PDZD7: variants seen among roughly 807,000 people sequenced by gnomAD.
PDZD7 encodes PDZ domain-containing protein 7.
PDZD7 carries 72 observed loss-of-function variants against 84.7 expected under a neutral mutation model. The ratio of observed to expected loss-of-function variants is 0.85; its 90% CI spans 0.70 to 1.03. PDZD7 has a LOEUF of 1.03. Among genes scored for constraint, PDZD7 ranks in the 50% least tolerant of loss-of-function variants. The probability of loss-of-function intolerance (pLI) is 0.00; values close to 1 mark genes in which losing one functional copy is unlikely to be tolerated. For synonymous variants in PDZD7, 594 were observed against 580.7 expected (o/e 1.02, Z -0.33); for missense variants, 1,490 against 1,412.9 (o/e 1.05, Z -0.87).
At chr10:101,017,985 G>T (rs1353926612) in intron 9 of PDZD7, 114 bp downstream of exon 9, 3 of 1,259,814 alleles carry the variant, frequency 2.4e-6, no homozygotes, top group East Asian at 2.3e-5. Flanking sequence ...GCTCTCAGGG[G>T]TTGAGTAGGG....
At chr10:101,012,289 C>T in intron 11 of PDZD7, 31 bp from the exon 12 acceptor site, 1 of 1,519,534 alleles carries the variant, frequency 6.6e-7, no homozygotes, top group Non-Finnish European at 8.9e-7. Context: ...GGTCAGACAG[C>T]AGTGGGGGCT....
rs1000893896 is a variant in PDZD7 at position 101,008,665 on chromosome 10, G to A, written c.2904C>T (p.Gly968=). Residue 968 remains glycine, a synonymous_variant, in exon 17 of 17, where the codon GGC becomes GGT. Transcript: ENST00000619208. ...GGGCAGGCAAGTGGTCAGCAGGAAG[G>A]CCCCCATCAGTAAGGGCTGATGAGT... The part of the protein sequence containing the change: ...PSDSSALTDG[G]LPADHLPAHQ... 2.0e-6 allele frequency: 3 copies of A among 1,535,900 alleles called. No individual in the cohort carries two copies. The highest frequency in any genetic ancestry group is 2.7e-5 in the African/African-American group (2 of 72,972).
intron 7 of PDZD7, among the ~76,000 whole-genome samples, chr10:101,019,950 T>G (rs1258851606): frequency 6.7e-6 from 1 of 149,498 alleles, no homozygotes; most frequent in Non-Finnish European, 1.5e-5. Context: ...AGACAGGCTC[T>G]CACTGTGTCA....
At chr10:101,016,330 G>T (rs1225009552) in intron 10 of PDZD7, 47 bp downstream of exon 10, 2 of 1,544,436 alleles carry the variant, frequency 1.3e-6, no homozygotes, top group East Asian at 2.4e-5. Flanking sequence ...ACCCTCATCT[G>T]CCGCTCTACT....
At position 101,027,504 on chromosome 10, in the gene PDZD7, G is replaced by T. The variant is rs1937790828; in HGVS notation, c.226+2490C>A. Among the ~76,000 whole-genome samples, 7 of 152,292 alleles carry T rather than the reference G, an allele frequency of 4.6e-5. No individual in the cohort carries two copies. The South Asian group carries it at 1.5e-3, about 32-fold the overall frequency. Reference sequence around the variant, plus strand: ...CTTCTCAAAGCGTAATCCTGGATCAGCAGCGTCAGTGTCATCTGAGAACTT... The same window carrying T: ...CTTCTCAAAGCGTAATCCTGGATCATCAGCGTCAGTGTCATCTGAGAACTT... On this transcript the variant is annotated intron_variant, in intron 2 of 16. Coordinates refer to ENST00000619208, the MANE Select transcript of PDZD7 (RefSeq NM_001195263.2).
chr10:101,009,481 C>A, intron 15 of PDZD7, 131 bp from the exon 16 acceptor site: 1 of 727,636 alleles, frequency 1.4e-6, no homozygotes, highest in Non-Finnish European at 2.4e-6. Flanking sequence ...TCTGTTACTA[C>A]TCAAATCTCA....
At position 101,015,710 on chromosome 10, in the gene PDZD7, G is replaced by A; in HGVS notation, c.1675C>T (p.Pro559Ser). ...CTCTGGGCCAGGTCCTGAATGAGGG[G>A]CCGCCGGCTCTCCCAGGCCTGAACC... ...EQVQAWESRR[P>S]LIQDLAQRLL... Residue 559 changes from proline to serine, a missense_variant, in exon 11 of 17, where the codon CCC becomes TCC. Transcript: ENST00000619208. 1 of 1,550,352 alleles carries A rather than the reference G, an allele frequency of 6.5e-7. No homozygotes were observed. Among genetic ancestry groups the A allele is most frequent in the Non-Finnish European group, 8.7e-7 (1 of 1,146,956 alleles).
chr10:101,023,858 C>T (rs368463083), intron 3 of PDZD7, 70 bp downstream of exon 3: 12 of 1,609,782 alleles, frequency 7.5e-6, no homozygotes, highest in East Asian at 4.5e-5. Context: ...CTGACAGCAG[C>T]ATCCCCTGCC....
chr10:101,010,878 G>A lies in PDZD7; in HGVS notation c.2011C>T (p.Arg671Cys), dbSNP rs925832623. ...RHLITPVPDS[R>C]GGFYLLPVNG... ...ACCGGCAGCAGGTAGAAGCCTCCGC[G>A]GCTGTCTGGGGAAGAGCGCCAAGGT... Residue 671 changes from arginine (R) to cysteine (C), a missense_variant, in exon 15 of 17, where the codon CGC becomes TGC. Coordinates refer to ENST00000619208, the MANE Select transcript of PDZD7 (RefSeq NM_001195263.2). The A allele has an allele frequency of 9.8e-6, 15 of 1,533,612 alleles. No individual in the cohort carries two copies. The highest frequency in any genetic ancestry group is 1.2e-5 in the Non-Finnish European group (14 of 1,146,796).
intron 15 of PDZD7, among the ~76,000 whole-genome samples, chr10:101,009,611 T>TTC (rs1283646524): frequency 7.2e-6 from 1 of 139,080 alleles, no homozygotes; most frequent in Non-Finnish European, 1.5e-5. Flanking sequence ...TTTTTTTTTT[T>TTC]TTTTTTTTTT....
Position 101,029,974 on chromosome 10 carries a change from T to G in PDZD7, c.226+20A>C. On this transcript the variant is annotated intron_variant, in intron 2 of 16. Coordinates refer to ENST00000619208, the MANE Select transcript of PDZD7 (RefSeq NM_001195263.2). ...CCCCACCCTCCCCAACCCAGGCCAGTGGCTGGGTCCCGCCCCTACCTTCGA... is the reference window on the plus strand; with the variant it reads ...CCCCACCCTCCCCAACCCAGGCCAGGGGCTGGGTCCCGCCCCTACCTTCGA... The G allele has an allele frequency of 2.1e-6, 3 of 1,440,644 alleles. No homozygotes were observed. The highest frequency in any genetic ancestry group is 2.5e-5 in the East Asian group (1 of 39,942). 89.2% of individuals were successfully genotyped at this position (1,440,644 alleles called of 1,614,324 possible).
At chr10:101,011,181 AC>A in intron 14 of PDZD7, 1 of 701,592 alleles carries the variant, frequency 1.4e-6, no homozygotes, top group African/African-American at 1.8e-5. Flanking sequence ...AGCTGGGATT[AC>A]AGGCGTGCAC....
intron 9 of PDZD7, 112 bp downstream of exon 9, chr10:101,017,987 T>C (rs1282652383): frequency 7.8e-7 from 1 of 1,287,568 alleles, no homozygotes; most frequent in Non-Finnish European, 1.1e-6. Context: ...TCTCAGGGGT[T>C]GAGTAGGGAC....
At chr10:101,023,301 C>T in intron 4 of PDZD7, 135 bp downstream of exon 4, 2 of 1,049,072 alleles carry the variant, frequency 1.9e-6, no homozygotes, top group Non-Finnish European at 2.9e-6. Flanking sequence ...GAGGTCAGGC[C>T]TTTGGATCCC....
chr10:101,015,938 C>T (rs925373268), intron 10 of PDZD7, 127 bp from the exon 11 acceptor site: 86 of 1,052,078 alleles, frequency 8.2e-5, no homozygotes, highest in Non-Finnish European at 9.8e-5. Flanking sequence ...TGCTCCCCAC[C>T]ATGGTAGCCC....
Position 101,015,810 on chromosome 10 carries a change from G to A in PDZD7, c.1575C>T (p.Asp525=), listed in dbSNP as rs761231526. Residue 525 remains aspartate (D), a splice_region_variant and synonymous_variant, in exon 11 of 17, where the codon GAC becomes GAT. Transcript: ENST00000619208. The stretch of plus-strand genomic sequence containing the variant: ...ACAGCAGGGCCCGGCCCCTCTCCTG[G>A]TCTGCAGGGCAGGAACCATCAGGGG... The part of the protein sequence containing the change: ...QKFVTWRLRR[D]QERGRALLSA... The A allele has an allele frequency of 2.4e-5, 37 of 1,547,640 alleles. No individual in the cohort carries two copies. Among genetic ancestry groups the A allele is most frequent in the Admixed American group, 1.4e-4 (7 of 50,930 alleles).
chr10:101,011,009 C>G, intron 14 of PDZD7, 126 bp from the exon 15 acceptor site: 1 of 1,490,680 alleles, frequency 6.7e-7, no homozygotes, highest in Non-Finnish European at 8.9e-7. Flanking sequence ...CAGTGCGGCC[C>G]ACCCACCGGG....
Position 101,015,723 on chromosome 10 carries a change from C to T in PDZD7, c.1662G>A (p.Trp554Ter). 6.5e-7 allele frequency: 1 copy of T among 1,550,278 alleles called. No homozygotes were observed. Residue 554 changes from tryptophan (W) to a stop codon, truncating the protein, a stop_gained, in exon 11 of 17, where the codon TGG (tryptophan) becomes TGA (stop). Coordinates refer to ENST00000619208, the MANE Select transcript of PDZD7 (RefSeq NM_001195263.2). LOFTEE classifies it high-confidence loss of function. ...CCTGAATGAGGGGCCGCCGGCTCTC[C>T]CAGGCCTGAACCTGCTCATCCACAT... ...LPNVDEQVQA[W>*]ESRRPLIQDL...
intron 16 of PDZD7, 89 bp from the exon 17 acceptor site, chr10:101,008,939 C>T (rs1458796954): frequency 7.1e-7 from 1 of 1,398,882 alleles, no homozygotes; most frequent in African/African-American, 1.4e-5. Context: ...CTCACCTCCA[C>T]CCATGAGGAC....
Sources: allele counts gnomAD v4.1 joint callset (sites outside exome capture counted in the v4.1 genomes callset), GRCh38; gene constraint gnomAD v4.1.1; transcripts MANE v1.5; gene names NCBI Gene and HGNC (gene_info 2026-07-23, HGNC 2026-07-21).